Variants in ZNF892 observed in about 807,000 individuals in gnomAD.
ZNF892 encodes zinc finger protein 892, also known as zinc finger protein 570-like.
chr2:95,252,702 A>C, the ZNF892 span, among the ~76,000 whole-genome samples: 1 of 152,198 alleles, frequency 6.6e-6, no homozygotes, highest in South Asian at 2.1e-4. Flanking sequence ...AGCCCCACCA[A>C]CAGTGTGAAA....
chr2:95,215,334 C>A, the ZNF892 span: 1 of 466,050 alleles, frequency 2.1e-6, no homozygotes, highest in Non-Finnish European at 3.8e-6. Context: ...AGCCCTTATT[C>A]GTCATCAGAG....
At chr2:95,248,340 G>C in the ZNF892 span, among the ~76,000 whole-genome samples, 1 of 152,134 alleles carries the variant, frequency 6.6e-6, no homozygotes. Flanking sequence ...ACTAGAGGGA[G>C]GAGTAAGTGG....
At chr2:95,225,609 A>T in the ZNF892 span, among the ~76,000 whole-genome samples, 1 of 152,212 alleles carries the variant, frequency 6.6e-6, no homozygotes, top group African/African-American at 2.4e-5. Context: ...GGGGGTAAAC[A>T]TTCAAACCAT....
At chr2:95,258,137 A>C in the ZNF892 span, among the ~76,000 whole-genome samples, 11 of 152,086 alleles carry the variant, frequency 7.2e-5, no homozygotes, top group Non-Finnish European at 1.5e-4. Flanking sequence ...GAAATGCAGA[A>C]ATCACCCATC....
the ZNF892 span, among the ~76,000 whole-genome samples, chr2:95,258,009 C>T: frequency 9.7e-4 from 148 of 152,290 alleles, no homozygotes; most frequent in African/African-American, 3.2e-3. Context: ...TGACCCCTTG[C>T]GCTTCCCGGG....
At chr2:95,210,402 T>C in the ZNF892 span, among the ~76,000 whole-genome samples, 1 of 152,112 alleles carries the variant, frequency 6.6e-6, no homozygotes, top group Non-Finnish European at 1.5e-5. Flanking sequence ...AAAAATAGAA[T>C]TTGAAAAATT....
the ZNF892 span, among the ~76,000 whole-genome samples, chr2:95,237,554 A>G: frequency 1.3e-5 from 2 of 152,284 alleles, no homozygotes; most frequent in African/African-American, 4.8e-5. Flanking sequence ...AATTAGGCCA[A>G]TCAATAACCC....
the ZNF892 span, among the ~76,000 whole-genome samples, chr2:95,232,515 C>T: frequency 1.2e-4 from 18 of 152,160 alleles, no homozygotes; most frequent in Non-Finnish European, 2.5e-4. Context: ...TTTTGGCAAA[C>T]ATTTCCATTA....
the ZNF892 span, among the ~76,000 whole-genome samples, chr2:95,220,475 C>G: frequency 6.6e-6 from 1 of 151,746 alleles, no homozygotes; most frequent in African/African-American, 2.4e-5. Flanking sequence ...TCCTCAGGTT[C>G]TGAGGTCCCT....
the ZNF892 span, among the ~76,000 whole-genome samples, chr2:95,206,930 T>C: frequency 6.6e-5 from 10 of 152,120 alleles, no homozygotes; most frequent in Non-Finnish European, 1.2e-4. Flanking sequence ...AGTAACGAGT[T>C]AGAGTAAAAA....
chr2:95,260,134 T>C, the ZNF892 span, among the ~76,000 whole-genome samples: 2 of 152,220 alleles, frequency 1.3e-5, no homozygotes, highest in African/African-American at 2.4e-5. Flanking sequence ...AGCTGGCCCA[T>C]GTCTGAGTTT....
the ZNF892 span, among the ~76,000 whole-genome samples, chr2:95,234,124 C>A: frequency 6.6e-6 from 1 of 152,168 alleles, no homozygotes; most frequent in African/African-American, 2.4e-5. Context: ...CAGGTTCAAG[C>A]AATTCTGCCT....
the ZNF892 span, among the ~76,000 whole-genome samples, chr2:95,256,579 T>G: frequency 3.2e-3 from 493 of 152,328 alleles, no homozygotes; most frequent in Non-Finnish European, 3.4e-3. Flanking sequence ...GGAGTATCTT[T>G]GTCGTGTTCT....
At chr2:95,228,756 C>T in the ZNF892 span, among the ~76,000 whole-genome samples, 2 of 152,138 alleles carry the variant, frequency 1.3e-5, no homozygotes, top group African/African-American at 4.8e-5. Context: ...CTCCACTTTC[C>T]ACCTGGTGGT....
chr2:95,228,435 A>C, the ZNF892 span, among the ~76,000 whole-genome samples: 1 of 152,290 alleles, frequency 6.6e-6, no homozygotes, highest in African/African-American at 2.4e-5. Context: ...TTTTTAAAAA[A>C]ATTTTTTTTG....
At chr2:95,252,801 C>T in the ZNF892 span, among the ~76,000 whole-genome samples, 1 of 152,206 alleles carries the variant, frequency 6.6e-6, no homozygotes, top group East Asian at 1.9e-4. Context: ...GATGGTATCT[C>T]ATTGTGGTTT....
the ZNF892 span, among the ~76,000 whole-genome samples, chr2:95,212,475 T>C: frequency 6.6e-6 from 1 of 152,248 alleles, no homozygotes; most frequent in East Asian, 1.9e-4. Flanking sequence ...GTAAATACTT[T>C]CTACTCTTTC....
At chr2:95,232,647 C>G in the ZNF892 span, among the ~76,000 whole-genome samples, 1 of 152,156 alleles carries the variant, frequency 6.6e-6, no homozygotes. Context: ...CTATCTGCTT[C>G]AAAGCACACT....
chr2:95,222,166 A>G, the ZNF892 span, among the ~76,000 whole-genome samples: 11 of 152,122 alleles, frequency 7.2e-5, no homozygotes, highest in Non-Finnish European at 2.9e-5. Flanking sequence ...GATTTTCATC[A>G]GTGTTGTGTC....
Sources: gnomAD v4.1 joint callset for allele counts (sites outside exome capture counted in the v4.1 genomes callset) on GRCh38, gnomAD v4.1.1 for gene constraint, MANE v1.5 for transcripts, NCBI Gene and HGNC (gene_info 2026-07-23, HGNC 2026-07-21) for gene names.